The following DAB1 variants were observed in gnomAD, a reference collection of about 807,000 sequenced individuals.
DAB1 encodes the protein disabled homolog 1.
Under a neutral mutation model 64.6 loss-of-function variants are expected in DAB1, and 15 were observed. That is an observed-to-expected ratio of 0.23 (90% CI 0.16 to 0.36). DAB1 has a LOEUF of 0.36. Among genes scored for constraint, DAB1 ranks in the 10% least tolerant of loss-of-function variants. The probability of loss-of-function intolerance (pLI) is 1.00; values close to 1 mark genes in which losing one functional copy is unlikely to be tolerated. For synonymous variants in DAB1, 235 were observed against 251.9 expected (o/e 0.93, Z 0.64); for missense variants, 596 against 706.7 (o/e 0.84, Z 1.78).
chr1:57,501,310 T>G (rs1240894397), intron 7 of DAB1, among the ~76,000 whole-genome samples: 2 of 152,218 alleles, frequency 1.3e-5, no homozygotes, highest in Admixed American at 6.5e-5. Flanking sequence ...GGTACCCCCG[T>G]GTAGTCAGCA....
At chr1:58,522,774 AG>A (rs1464102961) in intron 2 of DAB1, among the ~76,000 whole-genome samples, 1 of 152,232 alleles carries the variant, frequency 6.6e-6, no homozygotes, top group Non-Finnish European at 1.5e-5. Context: ...AAAATAAGCT[AG>A]AGAAAGGAAA....
intron 2 of DAB1, among the ~76,000 whole-genome samples, chr1:57,167,624 T>C (rs1661326942): frequency 6.6e-6 from 1 of 152,174 alleles, no homozygotes; most frequent in Non-Finnish European, 1.5e-5. Flanking sequence ...TGCTCACATC[T>C]GAATGTTTTA....
At chr1:57,510,661 T>C (rs561927727) in intron 7 of DAB1, among the ~76,000 whole-genome samples, 1 of 152,332 alleles carries the variant, frequency 6.6e-6, no homozygotes, top group Non-Finnish European at 1.5e-5. Context: ...TAGCATCTTC[T>C]TGCTTAAGAA....
chr1:57,066,861 G>T (rs1278706888), intron 8 of DAB1, among the ~76,000 whole-genome samples: 1 of 152,160 alleles, frequency 6.6e-6, no homozygotes, highest in East Asian at 1.9e-4. Context: ...CTCCACTTAA[G>T]TTCACAAAAG....
chr1:57,848,145 C>T (rs1033643672), intron 1 of DAB1, among the ~76,000 whole-genome samples: 23 of 152,172 alleles, frequency 1.5e-4, no homozygotes, highest in Non-Finnish European at 2.8e-4. Flanking sequence ...CCTTTCAAGA[C>T]ATGTATTCTA....
At chr1:57,563,888 G>C (rs1166371242) in intron 7 of DAB1, among the ~76,000 whole-genome samples, 2 of 152,192 alleles carry the variant, frequency 1.3e-5, no homozygotes, top group Non-Finnish European at 2.9e-5. Flanking sequence ...ACAAAAGGCA[G>C]AGAAACCTCT....
In DAB1 at chr1:57,695,302, A is replaced by G. The variant is rs1370836390; in HGVS notation, n.552-45637T>C. Among the ~76,000 whole-genome samples the G allele has an allele frequency of 1.2e-3, 93 of 80,608 alleles. 5 individuals carry two copies. The highest frequency in any genetic ancestry group is 6.1e-3 in the African/African-American group (91 of 14,946). The allele number at this position is 80,608 out of a possible 152,430, so 52.9% of individuals were successfully genotyped here. ...GAAGGAAGAAAGGGAGAGAGAAGGA[A>G]AGAAAGAAAGAAAGAAAGAAAGAAA... On this transcript the variant is annotated intron_variant and non_coding_transcript_variant, in intron 6 of 20. Transcript: ENST00000485760.
intron 4 of DAB1, among the ~76,000 whole-genome samples, chr1:58,295,448 C>T (rs111951249): frequency 2.8e-4 from 43 of 152,176 alleles, no homozygotes; most frequent in African/African-American, 8.9e-4. Flanking sequence ...CCCTCTCTGT[C>T]AATTCTAGAT....
intron 5 of DAB1, among the ~76,000 whole-genome samples, chr1:57,917,623 G>C (rs937730126): frequency 6.6e-6 from 1 of 152,030 alleles, no homozygotes; most frequent in Non-Finnish European, 1.5e-5. Context: ...TGGATTATTT[G>C]TGTGTAGTTT....
At chr1:58,543,879 A>C (rs1363913788) in intron 1 of DAB1, among the ~76,000 whole-genome samples, 1 of 152,218 alleles carries the variant, frequency 6.6e-6, no homozygotes, top group African/African-American at 2.4e-5. Context: ...CTGTCCAATA[A>C]GGTAGCCCCT....
At chr1:57,783,016 C>T (rs1450750940) in intron 6 of DAB1, among the ~76,000 whole-genome samples, 1 of 97,082 alleles carries the variant, frequency 1.0e-5, no homozygotes, top group Non-Finnish European at 1.9e-5. Context: ...CTTCCTTCCT[C>T]TTCCCTCCCT....
At chr1:58,260,109 C>T (rs1362420297) in intron 4 of DAB1, among the ~76,000 whole-genome samples, 1 of 152,036 alleles carries the variant, frequency 6.6e-6, no homozygotes, top group Non-Finnish European at 1.5e-5. Context: ...ACATGGCATT[C>T]CCTAAATACA....
chr1:57,834,362 A>G (rs1652717427), intron 1 of DAB1, among the ~76,000 whole-genome samples: 2 of 152,218 alleles, frequency 1.3e-5, no homozygotes, highest in Non-Finnish European at 2.9e-5. Context: ...TATAAGGAGA[A>G]AGCTTATGTT....
intron 2 of DAB1, among the ~76,000 whole-genome samples, chr1:57,240,832 C>T (rs1245025444): frequency 6.6e-6 from 1 of 152,116 alleles, no homozygotes; most frequent in Non-Finnish European, 1.5e-5. Context: ...ATAAGAAACA[C>T]CCTTACTATC....
At chr1:57,390,919 A>G (rs1187567813) in intron 1 of DAB1, among the ~76,000 whole-genome samples, 1 of 152,208 alleles carries the variant, frequency 6.6e-6, no homozygotes, top group Admixed American at 6.5e-5. Flanking sequence ...ATACATCTGT[A>G]CGACAAGCAT....
intron 7 of DAB1, among the ~76,000 whole-genome samples, chr1:57,491,166 C>T (rs909780274): frequency 1.3e-5 from 2 of 152,162 alleles, no homozygotes; most frequent in Non-Finnish European, 1.5e-5. Context: ...CGGTGGCTCA[C>T]GCCTGTAATC....
intron 1 of DAB1, among the ~76,000 whole-genome samples, chr1:57,852,885 T>C (rs1008500117): frequency 1.3e-5 from 2 of 152,156 alleles, no homozygotes; most frequent in African/African-American, 2.4e-5. Context: ...GTGACAGCAG[T>C]ATCCTCAGGG....
chr1:57,496,425 A>G (rs1644231301), intron 7 of DAB1, among the ~76,000 whole-genome samples: 1 of 152,186 alleles, frequency 6.6e-6, no homozygotes, highest in Non-Finnish European at 1.5e-5. Flanking sequence ...AAAAACACAC[A>G]CAGAACCTTC....
intron 2 of DAB1, among the ~76,000 whole-genome samples, chr1:57,154,375 T>A (rs1255222106): frequency 6.6e-6 from 1 of 152,230 alleles, no homozygotes; most frequent in Admixed American, 6.5e-5. Context: ...AAGAGTCTCA[T>A]CCTTTTTTAT....
Sources: gnomAD v4.1 joint callset for allele counts (sites outside exome capture counted in the v4.1 genomes callset) on GRCh38, gnomAD v4.1.1 for gene constraint, MANE v1.5 for transcripts, NCBI Gene and HGNC (gene_info 2026-07-23, HGNC 2026-07-21) for gene names.